The following RTN4RL1 variants were observed in gnomAD, a reference collection of about 807,000 sequenced individuals.
RTN4RL1 encodes reticulon-4 receptor-like 1.
A neutral mutation model predicts 25.6 loss-of-function variants in RTN4RL1; 7 were observed. The ratio of observed to expected loss-of-function variants is 0.27; its 90% CI spans 0.16 to 0.51. RTN4RL1 has a LOEUF of 0.51. Ranked by LOEUF, RTN4RL1 falls within the 20% of genes least tolerant of loss-of-function variation. The pLI is 0.97. For synonymous variants in RTN4RL1, 297 were observed against 288.2 expected (o/e 1.03, Z -0.31); for missense variants, 500 against 615.6 (o/e 0.81, Z 1.99).
At chr17:2,008,447 G>C (rs963648255) in intron 1 of RTN4RL1, among the ~76,000 whole-genome samples, 1 of 152,246 alleles carries the variant, frequency 6.6e-6, no homozygotes, top group East Asian at 1.9e-4. Context: ...AAGCGTAGCC[G>C]GATTATGAAA....
At chr17:1,952,378 C>T (rs1309673386) in intron 1 of RTN4RL1, among the ~76,000 whole-genome samples, 1 of 147,982 alleles carries the variant, frequency 6.8e-6, no homozygotes, top group African/African-American at 2.5e-5. Context: ...ACTCTGTCGC[C>T]CAGGCTGGAG....
Position 1,937,071 on chromosome 17 carries a change from G to A in RTN4RL1, c.751C>T (p.Arg251Cys), listed in dbSNP as rs1209830884. ...LAPLGALEFL[R>C]LNGNPWDCGC... ...CAGTCCCAGGGGTTGCCGTTGAGGC[G>A]GAGGAACTCCAGGGCCCCCAGCGGG... The change falls in exon 2 of 2, where the codon CGC (arginine) becomes TGC (cysteine). Residue 251 changes from arginine to cysteine, a missense_variant. This residue lies in a region of RTN4RL1 where 232 missense variants were observed against 341.1 expected (regional missense o/e 0.68). Coordinates refer to ENST00000331238, the MANE Select transcript of RTN4RL1 (RefSeq NM_178568.4). 3 of 1,605,440 alleles carry A rather than the reference G, an allele frequency of 1.9e-6. No homozygotes were observed. The highest frequency in any genetic ancestry group is 1.7e-5 in the Admixed American group (1 of 58,896).
chr17:2,024,668 C>T (rs1216087766), intron 1 of RTN4RL1, among the ~76,000 whole-genome samples, 185 bp downstream of exon 1: 1 of 152,126 alleles, frequency 6.6e-6, no homozygotes, highest in Non-Finnish European at 1.5e-5. Flanking sequence ...CCCCGTGTCT[C>T]ACAACTGGCC....
At position 1,937,613 on chromosome 17, in the gene RTN4RL1, T is replaced by G. The variant is rs1190764448; in HGVS notation, c.209A>C (p.Gln70Pro). 1.2e-6 allele frequency: 2 copies of G among 1,613,936 alleles called. No individual in the cohort carries two copies. Among genetic ancestry groups the G allele is most frequent in the East Asian group, 4.5e-5 (2 of 44,882 alleles). Residue 70 changes from glutamine to proline, a missense_variant, in exon 2 of 2, where the codon CAG (glutamine) becomes CCG (proline). Around this residue, in one of 2 missense-constraint regions of RTN4RL1, gnomAD observed 232 missense variants for 341.1 expected, o/e 0.68. Transcript: ENST00000331238. ...FLQNNRIGLL[Q>P]PGHFSPAMVT... ...CATGGCGGGGCTGAAGTGGCCGGGC[T>G]GGAGGAGGCCGATGCGGTTGTTCTG...
intron 1 of RTN4RL1, chr17:2,023,698 C>G (rs112598550): frequency 6.6e-6 from 1 of 150,466 alleles, no homozygotes; most frequent in African/African-American, 2.4e-5. Flanking sequence ...CCCCTCCACC[C>G]CCTCCCCGTG....
chr17:1,935,711 G>GTGTATATATATATA lies in RTN4RL1; in HGVS notation c.*784_*785insTATATATATATACA, dbSNP rs1435954605. On this transcript the variant is annotated 3_prime_UTR_variant, in exon 2 of 2. Transcript: ENST00000331238. ...AGTGGGAGGGGGACTGTGCATTTGT[G>GTGTATATATATATA]TATATATATATATATATATATATAT... is the stretch of plus-strand genomic sequence containing the variant. 1 of 157,464 alleles carries GTGTATATATATATA rather than the reference G, an allele frequency of 6.4e-6. No individual in the cohort carries two copies. Among genetic ancestry groups the GTGTATATATATATA allele is most frequent in the African/African-American group, 4.8e-5 (1 of 20,952 alleles). 9.8% of individuals were successfully genotyped at this position (157,464 alleles called of 1,614,324 possible).
chr17:1,971,273 C>T (rs1398554997), intron 1 of RTN4RL1, among the ~76,000 whole-genome samples: 8 of 152,274 alleles, frequency 5.3e-5, no homozygotes, highest in South Asian at 4.2e-4. Context: ...TGTCGCCTTG[C>T]GAAGAAGGAT....
chr17:1,936,854 C>T lies in RTN4RL1; in HGVS notation c.968G>A (p.Arg323Lys). 2 of 1,589,504 alleles carry T rather than the reference C, an allele frequency of 1.3e-6. No individual in the cohort carries two copies. Among genetic ancestry groups the T allele is most frequent in the Non-Finnish European group, 1.7e-6 (2 of 1,167,968 alleles). The change falls in exon 2 of 2, where the codon AGG becomes AAG. Residue 323 changes from arginine to lysine, a missense_variant. Around this residue, in one of 2 missense-constraint regions of RTN4RL1, gnomAD observed 268 missense variants for 274.5 expected, o/e 0.98. Transcript: ENST00000331238. ...IKSHTLTTTDRAARKEHHSPH... is the reference protein window; with the variant it reads ...IKSHTLTTTDKAARKEHHSPH... ...TGAGTGGTGTTCCTTGCGGGCGGCC[C>T]TGTCGGTGGTGGTGAGCGTGTGTGA... is the stretch of plus-strand genomic sequence containing the variant.
Position 1,997,037 on chromosome 17 carries a change from C to T in RTN4RL1, c.13+27816G>A, listed in dbSNP as rs376917995. The stretch of plus-strand genomic sequence containing the variant: ...TCCCCCGCAACCAACCTGGCCTCCC[C>T]GCCTTCCCCCTTAACTATCTTCCAT... On this transcript the variant is annotated intron_variant, in intron 1 of 1. Transcript: ENST00000331238. 1.5e-3 allele frequency among the ~76,000 whole-genome samples: 232 copies of T among 152,336 alleles called. 2 individuals carry two copies. The highest frequency in any genetic ancestry group is 5.3e-3 in the African/African-American group (221 of 41,574).
At chr17:2,017,367 CA>C (rs1273364344) in intron 1 of RTN4RL1, among the ~76,000 whole-genome samples, 1 of 152,244 alleles carries the variant, frequency 6.6e-6, no homozygotes, top group Non-Finnish European at 1.5e-5. Flanking sequence ...CTGGGGGCTG[CA>C]GTGGTCTGTC....
At chr17:1,973,727 A>G (rs547090930) in intron 1 of RTN4RL1, among the ~76,000 whole-genome samples, 1 of 152,126 alleles carries the variant, frequency 6.6e-6, no homozygotes, top group South Asian at 2.1e-4. Flanking sequence ...TACACTTTGC[A>G]TATAATGATA....
At chr17:1,987,951 C>G (rs1481076989) in intron 1 of RTN4RL1, among the ~76,000 whole-genome samples, 2 of 151,580 alleles carry the variant, frequency 1.3e-5, no homozygotes, top group Admixed American at 6.6e-5. Context: ...ATTAAAAATA[C>G]AAAAATTAGC....
chr17:2,000,755 G>A (rs539559128), intron 1 of RTN4RL1, among the ~76,000 whole-genome samples: 1 of 151,954 alleles, frequency 6.6e-6, no homozygotes, highest in South Asian at 2.1e-4. Flanking sequence ...CCTGACCTCA[G>A]GTGATCCGCC....
At chr17:1,968,132 C>T (rs963518135) in intron 1 of RTN4RL1, among the ~76,000 whole-genome samples, 3 of 152,200 alleles carry the variant, frequency 2.0e-5, no homozygotes, top group African/African-American at 7.2e-5. Context: ...TGTGCATATA[C>T]TGGTGGCTCC....
At chr17:1,997,822 G>A (rs1479658382) in intron 1 of RTN4RL1, among the ~76,000 whole-genome samples, 3 of 152,200 alleles carry the variant, frequency 2.0e-5, no homozygotes, top group Admixed American at 6.5e-5. Context: ...CCCCTTCACA[G>A]CCCTCCTACT....
chr17:1,944,873 A>G (rs1390719410), intron 1 of RTN4RL1, among the ~76,000 whole-genome samples: 3 of 151,906 alleles, frequency 2.0e-5, no homozygotes, highest in African/African-American at 4.8e-5. Flanking sequence ...CTCTGCCCCA[A>G]CCTCGCCCCT....
In RTN4RL1 at chr17:1,993,080, T is replaced by G. The variant is rs2066916287; in HGVS notation, c.13+31773A>C. Among the ~76,000 whole-genome samples, 3 of 151,590 alleles carry G rather than the reference T, an allele frequency of 2.0e-5. No homozygotes were observed. In the South Asian group the frequency reaches 6.3e-4, roughly 32 times the overall value. On this transcript the variant is annotated intron_variant, in intron 1 of 1. Coordinates refer to ENST00000331238, the MANE Select transcript of RTN4RL1 (RefSeq NM_178568.4). ...CAACATAGTGAAACCCCATCTCTAC[T>G]AAAAAAGAATACAAAAAATTAGCCG...
chr17:1,963,291 G>GA (rs2066774377), intron 1 of RTN4RL1, among the ~76,000 whole-genome samples: 1 of 152,218 alleles, frequency 6.6e-6, no homozygotes, highest in African/African-American at 2.4e-5. Flanking sequence ...TCTCTTGATT[G>GA]AATCAGGCCT....
At chr17:1,961,454 A>C (rs1026697670) in intron 1 of RTN4RL1, among the ~76,000 whole-genome samples, 45 of 152,272 alleles carry the variant, frequency 3.0e-4, no homozygotes, top group Middle Eastern at 3.4e-3. Context: ...TTGTCCCCTA[A>C]CTGATTGGCA....
Sources: allele counts gnomAD v4.1 joint callset (sites outside exome capture counted in the v4.1 genomes callset), GRCh38; gene constraint gnomAD v4.1.1; regional missense constraint gnomAD v4.1.1; transcripts MANE v1.5; gene names NCBI Gene and HGNC (gene_info 2026-07-23, HGNC 2026-07-21).